The following TRPM8 variants were observed in gnomAD, a reference collection of about 807,000 sequenced individuals.
TRPM8 encodes TRPM8 cationic channel.
Under a neutral mutation model 133.7 loss-of-function variants are expected in TRPM8, and 110 were observed. The observed-to-expected ratio is 0.82, with a 90% CI of 0.70 to 0.96. The LOEUF is 0.96. TRPM8 is among the 40% of genes least tolerant of loss of function. TRPM8 has a pLI of 0.00. For synonymous variants in TRPM8, 535 were observed against 532.3 expected (o/e 1.01, Z -0.07); for missense variants, 1,291 against 1,379.5 (o/e 0.94, Z 1.02).
rs1692221557 is a variant in TRPM8 at position 233,989,412 on chromosome 2, A to T, written c.2939+3547A>T. On this transcript the variant is annotated intron_variant, in intron 21 of 25. Coordinates refer to ENST00000324695, the MANE Select transcript of TRPM8 (RefSeq NM_024080.5). This position sits in a 1 kb window ranked among gnomAD's most constrained non-coding sequence, Gnocchi z 4.2. Reference sequence around the variant, plus strand: ...GTGCTTAAGTGTGACAGCTTGCAACATCCCTGTCCTTGGGGAACCTCCTCG... The same window carrying T: ...GTGCTTAAGTGTGACAGCTTGCAACTTCCCTGTCCTTGGGGAACCTCCTCG... Among the ~76,000 whole-genome samples, 1 of 152,200 alleles carries T rather than the reference A, an allele frequency of 6.6e-6. No individual in the cohort carries two copies. Among genetic ancestry groups the T allele is most frequent in the East Asian group, 1.9e-4 (1 of 5,196 alleles).
intron 1 of TRPM8, among the ~76,000 whole-genome samples, chr2:233,919,648 T>C (rs1038511686): frequency 2.8e-4 from 42 of 151,672 alleles, no homozygotes; most frequent in African/African-American, 9.4e-4. Flanking sequence ...AGTATTTACA[T>C]GGATCCATCT....
intron 22 of TRPM8, among the ~76,000 whole-genome samples, chr2:234,005,829 T>G (rs1216588197): frequency 6.6e-6 from 1 of 151,848 alleles, no homozygotes; most frequent in Non-Finnish European, 1.5e-5. Flanking sequence ...GAGAATCGCT[T>G]GAACCTAGGA....
At chr2:233,982,199 C>T (rs1202673506) in intron 19 of TRPM8, among the ~76,000 whole-genome samples, 1 of 152,084 alleles carries the variant, frequency 6.6e-6, no homozygotes, top group Non-Finnish European at 1.5e-5. Flanking sequence ...TGACAGTTTG[C>T]TAAGAGTGTA....
intron 10 of TRPM8, 59 bp from the exon 11 acceptor site, chr2:233,955,072 TG>T (rs1691258422): frequency 7.9e-7 from 1 of 1,271,350 alleles, no homozygotes; most frequent in Non-Finnish European, 1.1e-6. Flanking sequence ...CCACACTGAA[TG>T]GTTCTCACTC....
chr2:233,984,268 C>T (rs1692086377), intron 20 of TRPM8, among the ~76,000 whole-genome samples: 1 of 152,182 alleles, frequency 6.6e-6, no homozygotes, highest in Admixed American at 6.5e-5. Context: ...GGTGTGACCC[C>T]ACACATGCTC....
At chr2:233,939,853 A>G (rs28901625) in intron 5 of TRPM8, among the ~76,000 whole-genome samples, 5,393 of 152,198 alleles carry the variant, frequency 0.035, 309 homozygotes, top group African/African-American at 0.12. Flanking sequence ...TTAACCCCCT[A>G]AGCACATGAG....
intron 15 of TRPM8, 62 bp from the exon 16 acceptor site, chr2:233,969,633 A>T: frequency 1.0e-6 from 1 of 989,764 alleles, no homozygotes; most frequent in Admixed American, 1.8e-5. Flanking sequence ...GAAAGTTTGC[A>T]TGGCATCCTG....
At chr2:233,955,549 C>T in intron 11 of TRPM8, 1 of 224,638 alleles carries the variant, frequency 4.5e-6, no homozygotes, top group East Asian at 1.2e-4. Flanking sequence ...AGATGCAGAT[C>T]TCCTTCTGGA....
Position 233,918,933 on chromosome 2 carries a change from T to C in TRPM8, c.-6+1501T>C, listed in dbSNP as rs78140984. The stretch of plus-strand genomic sequence containing the variant: ...TAATTGATGGCTCAAAGAGTGGAGA[T>C]GGCTGGGGTTTGGTGTGGGGCCCTT... On this transcript the variant is annotated intron_variant, in intron 1 of 25. Coordinates refer to ENST00000324695, the MANE Select transcript of TRPM8 (RefSeq NM_024080.5). Among the ~76,000 whole-genome samples the C allele has an allele frequency of 2.4e-3, 361 of 152,310 alleles. 8 individuals carry two copies. The East Asian group carries it at 0.046, about 20-fold the overall frequency.
Position 233,945,837 on chromosome 2 carries a change from G to C in TRPM8, c.700-19G>C, listed in dbSNP as rs1242351190. 6.3e-7 allele frequency: 1 copy of C among 1,598,820 alleles called. No homozygotes were observed. The highest frequency in any genetic ancestry group is 1.7e-5 in the Admixed American group (1 of 59,460). On this transcript the variant is annotated intron_variant, in intron 6 of 25. Coordinates refer to ENST00000324695, the MANE Select transcript of TRPM8 (RefSeq NM_024080.5). The stretch of plus-strand genomic sequence containing the variant: ...ACTGATAATACAATCTCAAAGACAA[G>C]TTTCCCTGTACTTTTCAGGGCTATT...
intron 21 of TRPM8, among the ~76,000 whole-genome samples, chr2:233,995,312 TA>T (rs1177609406): frequency 6.6e-6 from 1 of 152,254 alleles, no homozygotes; most frequent in African/African-American, 2.4e-5. Flanking sequence ...TGGTTTATAA[TA>T]AGTGTTAGCT....
Position 233,949,919 on chromosome 2 carries a change from G to T in TRPM8, c.943-30G>T, listed in dbSNP as rs200331582. Reference sequence around the variant, plus strand: ...CTGGGTTCTGTGGACCAAGGTCTCTGATCTGTCTGACTCTGTCTCCTTCCT... The same window carrying T: ...CTGGGTTCTGTGGACCAAGGTCTCTTATCTGTCTGACTCTGTCTCCTTCCT... On this transcript the variant is annotated intron_variant, in intron 8 of 25. Transcript: ENST00000324695. The T allele has an allele frequency of 1.7e-5, 28 of 1,610,464 alleles. 2 individuals are homozygous for T. In the South Asian group the frequency reaches 2.9e-4, roughly 17 times the overall value.
intron 22 of TRPM8, among the ~76,000 whole-genome samples, chr2:234,004,457 C>G (rs1356952147): frequency 6.6e-6 from 1 of 152,182 alleles, no homozygotes; most frequent in African/African-American, 2.4e-5. Flanking sequence ...GCTGGCAATT[C>G]GTTTCCTACA....
At chr2:233,945,506 T>C (rs1045626114) in intron 6 of TRPM8, among the ~76,000 whole-genome samples, 2 of 152,092 alleles carry the variant, frequency 1.3e-5, no homozygotes, top group Non-Finnish European at 2.9e-5. Context: ...CACACACACA[T>C]TTGCACATAC....
chr2:234,002,307 A>G (rs17865674), intron 22 of TRPM8, among the ~76,000 whole-genome samples: 1 of 151,870 alleles, frequency 6.6e-6, no homozygotes, highest in South Asian at 2.1e-4. Flanking sequence ...AGACGAGAGT[A>G]AGGCTTGGAC....
At position 233,985,728 on chromosome 2, in the gene TRPM8, T is replaced by C. The variant is rs1482925862; in HGVS notation, c.2802T>C (p.Asn934=). The C allele has an allele frequency of 1.9e-6, 3 of 1,614,064 alleles. No homozygotes were observed. In the African/African-American group the frequency reaches 4.0e-5, roughly 22 times the overall value. ...YDFAHCTFTG[N]ESKPLCVELD... is the part of the protein sequence containing the mutation. Reference sequence around the variant, plus strand: ...TTGCCCACTGCACCTTCACTGGGAATGAGTCCAAGCCACTGTGTGTGGAGC... The same window carrying C: ...TTGCCCACTGCACCTTCACTGGGAACGAGTCCAAGCCACTGTGTGTGGAGC... Residue 934 remains asparagine, a synonymous_variant, in exon 21 of 26, where the codon AAT becomes AAC. Transcript: ENST00000324695.
intron 17 of TRPM8, among the ~76,000 whole-genome samples, chr2:233,976,553 G>A (rs992627083): frequency 6.6e-6 from 1 of 152,142 alleles, no homozygotes; most frequent in South Asian, 2.1e-4. Flanking sequence ...GAGGAAGGGT[G>A]GGGGTCTGGC....
Position 233,985,814 on chromosome 2 carries a change from A to T in TRPM8, c.2888A>T (p.Tyr963Phe), listed in dbSNP as rs556646442. 6.2e-7 allele frequency: 1 copy of T among 1,614,162 alleles called. No homozygotes were observed. The highest frequency in any genetic ancestry group is 2.2e-5 in the East Asian group (1 of 44,886). Reference protein sequence around the residue: ...EWITIPLVCIYMLSTNILLVN... With the variant: ...EWITIPLVCIFMLSTNILLVN... ...ATCACCATCCCCCTGGTGTGCATCT[A>T]CATGTTATCCACCAACATCCTGCTG... is the stretch of plus-strand genomic sequence containing the variant. Residue 963 changes from tyrosine (Y) to phenylalanine (F), a missense_variant, in exon 21 of 26, where the codon TAC becomes TTC. Around this residue, in one of 2 missense-constraint regions of TRPM8, gnomAD observed 328 missense variants for 410.6 expected, o/e 0.80. Transcript: ENST00000324695.
chr2:234,012,239 C>T (rs1314398499), intron 24 of TRPM8, among the ~76,000 whole-genome samples: 1 of 151,658 alleles, frequency 6.6e-6, no homozygotes, highest in Non-Finnish European at 1.5e-5. Context: ...CCTCTGCCTC[C>T]TGGGTTCAAG....
Sources: gnomAD v4.1 joint callset for allele counts (sites outside exome capture counted in the v4.1 genomes callset) on GRCh38, gnomAD v4.1.1 for gene constraint, gnomAD v4.1.1 regional missense constraint, Gnocchi (gnomAD v3.1) non-coding constraint, MANE v1.5 for transcripts, NCBI Gene and HGNC (gene_info 2026-07-23, HGNC 2026-07-21) for gene names.